IQCM: variants seen among roughly 807,000 people sequenced by gnomAD.
IQCM encodes IQ motif containing M.
IQCM carries 45 observed loss-of-function variants against 57.6 expected under a neutral mutation model. The observed-to-expected ratio is 0.78, with a 90% confidence interval of 0.62 to 1.00. IQCM has a LOEUF of 1.00. Among genes scored for constraint, IQCM ranks in the 50% least tolerant of loss-of-function variants. IQCM has a pLI of 0.00. For missense variants in IQCM, 468 were observed against 511.6 expected, an observed-to-expected ratio of 0.91 and a Z score of 0.82; for synonymous variants, 148 against 158.9, an observed-to-expected ratio of 0.93 and a Z score of 0.51.
intron 13 of IQCM, among the ~76,000 whole-genome samples, chr4:149,426,125 A>G (rs190019763): frequency 6.6e-6 from 1 of 152,100 alleles, no homozygotes; most frequent in East Asian, 1.9e-4. Flanking sequence ...CTTGTTTTGA[A>G]CCTATTTAAT....
intron 12 of IQCM, among the ~76,000 whole-genome samples, chr4:149,525,073 A>T (rs1031683210): frequency 6.6e-6 from 1 of 151,782 alleles, no homozygotes; most frequent in Non-Finnish European, 1.5e-5. Flanking sequence ...ATTTTACCTA[A>T]TCTTTAAGGA....
chr4:149,598,044 C>T (rs1049703620), intron 8 of IQCM, among the ~76,000 whole-genome samples: 3 of 152,062 alleles, frequency 2.0e-5, no homozygotes, highest in Non-Finnish European at 4.4e-5. Context: ...ATGATAACTT[C>T]AAAATGCTAA....
chr4:149,404,756 A>G (rs2111146369), intron 13 of IQCM, among the ~76,000 whole-genome samples: 1 of 152,234 alleles, frequency 6.6e-6, no homozygotes, highest in Non-Finnish European at 1.5e-5. Context: ...AGGGTGTACA[A>G]AAAGAATTGT....
chr4:149,692,228 C>A (rs1490802891), intron 5 of IQCM, among the ~76,000 whole-genome samples: 3 of 152,248 alleles, frequency 2.0e-5, no homozygotes, highest in African/African-American at 7.2e-5. Flanking sequence ...GTCTATCACA[C>A]TGTGATTGAT....
intron 2 of IQCM, among the ~76,000 whole-genome samples, chr4:149,783,328 A>C (rs1253344859): frequency 6.6e-6 from 1 of 152,136 alleles, no homozygotes; most frequent in African/African-American, 2.4e-5. Flanking sequence ...TGTATATCTC[A>C]TGTAATTCTT....
At chr4:149,812,410 C>T (rs1774645588) in intron 2 of IQCM, among the ~76,000 whole-genome samples, 2 of 150,788 alleles carry the variant, frequency 1.3e-5, no homozygotes, top group Admixed American at 6.6e-5. Context: ...GGAAAAGAAA[C>T]CTCATGCTAA....
At chr4:149,403,121 T>C (rs182406216) in intron 13 of IQCM, among the ~76,000 whole-genome samples, 2 of 152,036 alleles carry the variant, frequency 1.3e-5, no homozygotes, top group Non-Finnish European at 2.9e-5. Context: ...ATATTTTGAT[T>C]ATCTTCAGTG....
At chr4:149,640,775 A>G (rs1222584856) in intron 7 of IQCM, among the ~76,000 whole-genome samples, 1 of 152,128 alleles carries the variant, frequency 6.6e-6, no homozygotes, top group African/African-American at 2.4e-5. Flanking sequence ...AATGGAGTCG[A>G]GAATATATTA....
chr4:149,397,488 T>C (rs1049756468), intron 13 of IQCM, among the ~76,000 whole-genome samples: 1 of 151,908 alleles, frequency 6.6e-6, no homozygotes, highest in African/African-American at 2.4e-5. Context: ...TGAGATCTGA[T>C]AGTTCAAAAG....
chr4:149,765,504 TTA>T (rs1769957759), intron 2 of IQCM, among the ~76,000 whole-genome samples: 1 of 152,052 alleles, frequency 6.6e-6, no homozygotes, highest in Admixed American at 6.6e-5. Context: ...CTAACAGAAA[TTA>T]TAGTTTCACT....
At chr4:149,475,058 CTAACA>C (rs921642181) in intron 12 of IQCM, among the ~76,000 whole-genome samples, 2 of 152,120 alleles carry the variant, frequency 1.3e-5, no homozygotes, top group Non-Finnish European at 2.9e-5. Flanking sequence ...AAGACATAAC[CTAACA>C]TATTTTGAAA....
chr4:149,661,764 G>T (rs1385059467), intron 7 of IQCM, among the ~76,000 whole-genome samples: 1 of 151,886 alleles, frequency 6.6e-6, no homozygotes, highest in Non-Finnish European at 1.5e-5. Context: ...AGTCTCTTTT[G>T]AACCTTTGTA....
At chr4:149,470,980 G>A (rs1739465353) in intron 12 of IQCM, among the ~76,000 whole-genome samples, 1 of 152,152 alleles carries the variant, frequency 6.6e-6, no homozygotes, top group South Asian at 2.1e-4. Context: ...TGTGTAGAGG[G>A]AAATTTATAG....
At chr4:149,405,966 C>T (rs1386434901) in intron 13 of IQCM, among the ~76,000 whole-genome samples, 1 of 149,694 alleles carries the variant, frequency 6.7e-6, no homozygotes, top group Non-Finnish European at 1.5e-5. Flanking sequence ...CCCTTCCTTC[C>T]TCTATCCTCT....
At chr4:149,675,177 G>C (rs1239289690) in intron 7 of IQCM, among the ~76,000 whole-genome samples, 2 of 151,998 alleles carry the variant, frequency 1.3e-5, no homozygotes, top group Admixed American at 6.6e-5. Flanking sequence ...ACTATGAAAA[G>C]ATTAGTGTTA....
intron 8 of IQCM, among the ~76,000 whole-genome samples, chr4:149,613,826 T>C (rs1755536065): frequency 6.6e-6 from 1 of 152,106 alleles, no homozygotes; most frequent in African/African-American, 2.4e-5. Context: ...GGTGTTTGGT[T>C]TTTTGTCCTT....
At chr4:149,750,534 G>A (rs1198304973) in intron 2 of IQCM, among the ~76,000 whole-genome samples, 1 of 152,126 alleles carries the variant, frequency 6.6e-6, no homozygotes, top group Non-Finnish European at 1.5e-5. Flanking sequence ...TATCAGAAAT[G>A]ATTTCAAAAT....
chr4:149,570,425 T>C (rs1751044951), intron 9 of IQCM, among the ~76,000 whole-genome samples: 1 of 152,050 alleles, frequency 6.6e-6, no homozygotes, highest in African/African-American at 2.4e-5. Flanking sequence ...CTATATTGGT[T>C]AGGGATTGCC....
At chr4:149,543,285 T>C (rs1748037640) in intron 12 of IQCM, among the ~76,000 whole-genome samples, 1 of 152,064 alleles carries the variant, frequency 6.6e-6, no homozygotes, top group African/African-American at 2.4e-5. Context: ...TTGAAACTGA[T>C]AAGTATTGTT....
Sources: gnomAD v4.1 joint callset for allele counts (sites outside exome capture counted in the v4.1 genomes callset) on GRCh38, gnomAD v4.1.1 for gene constraint, MANE v1.5 for transcripts, NCBI Gene and HGNC (gene_info 2026-07-23, HGNC 2026-07-21) for gene names.